Variants in GAN observed in about 807,000 individuals in gnomAD.
GAN encodes gigaxonin.
GAN carries 48 observed loss-of-function variants against 71.3 expected under a neutral mutation model. That is an observed-to-expected ratio of 0.67 (90% CI 0.53 to 0.86). The LOEUF is 0.86. Ranked by LOEUF, GAN falls within the 40% of genes least tolerant of loss-of-function variation. The pLI is 0.00. For synonymous variants in GAN, 386 were observed against 276.8 expected (o/e 1.39, Z -3.92); for missense variants, 928 against 770.1 (o/e 1.21, Z -2.43).
rs1018067168 is a variant in GAN at position 81,349,377 on chromosome 16, G to A, written c.168-2206G>A. Among the ~76,000 whole-genome samples, 9 of 152,112 alleles carry A rather than the reference G, an allele frequency of 5.9e-5. No homozygotes were observed. In the East Asian group the frequency reaches 9.6e-4, roughly 16 times the overall value. On this transcript the variant is annotated intron_variant, in intron 1 of 10. Coordinates refer to ENST00000648994, the MANE Select transcript of GAN (RefSeq NM_022041.4). ...ATATGAAATTTCATTGGCTGGGTGC[G>A]GTGGCTCATGCCTATAATCGCAGCA... is the stretch of plus-strand genomic sequence containing the variant.
In GAN at chr16:81,390,186, G is replaced by C. The variant is rs1289664604; in HGVS notation, c.*12590G>C. 1 of 152,192 alleles carries C rather than the reference G, an allele frequency of 6.6e-6. No individual in the cohort carries two copies. The highest frequency in any genetic ancestry group is 1.5e-5 in the Non-Finnish European group (1 of 68,030). 9.4% of individuals were successfully genotyped at this position (152,192 alleles called of 1,614,324 possible). A position where few individuals can be genotyped will look rare whatever the true frequency, so the allele number is the denominator to read the frequency against. ...GTTTAGAAAGTTCAAAATATTGGAA[G>C]TGCTAGAAGGCTGCAACTTGTAAAA... On this transcript the variant is annotated 3_prime_UTR_variant, in exon 11 of 11. Transcript: ENST00000648994.
intron 9 of GAN, among the ~76,000 whole-genome samples, chr16:81,369,056 A>G (rs780861437): frequency 1.3e-5 from 2 of 152,222 alleles, no homozygotes; most frequent in East Asian, 1.9e-4. Flanking sequence ...CTTGTGTTTT[A>G]CTGCCTCCGT....
chr16:81,354,842 TGAAA>T (rs1910433738), intron 3 of GAN, 87 bp downstream of exon 3: 1 of 777,432 alleles, frequency 1.3e-6, no homozygotes, highest in African/African-American at 1.7e-5. Context: ...TTCTTCATCA[TGAAA>T]GACTTACGAT....
In GAN at chr16:81,383,617, G is replaced by A. The variant is rs1263005415; in HGVS notation, c.*6021G>A. ...TAAAGTCACTACTCAGCTGAAATTT[G>A]GCCTGATTATAAATGTTGATAATAA... On this transcript the variant is annotated 3_prime_UTR_variant, in exon 11 of 11. Coordinates refer to ENST00000648994, the MANE Select transcript of GAN (RefSeq NM_022041.4). The A allele has an allele frequency of 1.3e-5, 2 of 150,888 alleles. No homozygotes were observed. Among genetic ancestry groups the A allele is most frequent in the East Asian group, 3.9e-4 (2 of 5,170 alleles). 9.3% of individuals were successfully genotyped at this position (150,888 alleles called of 1,614,324 possible).
At position 81,315,076 on chromosome 16, in the gene GAN, C is replaced by A. The variant is rs1477703835; in HGVS notation, c.-38C>A. 6.9e-7 allele frequency: 1 copy of A among 1,443,638 alleles called. No individual in the cohort carries two copies. Among genetic ancestry groups the A allele is most frequent in the East Asian group, 3.0e-5 (1 of 32,850 alleles). 89.4% of individuals were successfully genotyped at this position (1,443,638 alleles called of 1,614,324 possible). Reference sequence around the variant, plus strand: ...CTCGAGGGGTCCGGCCGGACGGTGTCGGGAGCCGGACCCGTCGGCAGAGGA... The same window carrying A: ...CTCGAGGGGTCCGGCCGGACGGTGTAGGGAGCCGGACCCGTCGGCAGAGGA... On this transcript the variant is annotated 5_prime_UTR_variant, in exon 1 of 11. Transcript: ENST00000648994.
chr16:81,327,412 G>A (rs549537366), intron 1 of GAN, among the ~76,000 whole-genome samples: 30 of 152,248 alleles, frequency 2.0e-4, no homozygotes, highest in African/African-American at 7.2e-4. Flanking sequence ...CTGGAGGGGT[G>A]TACTGGAGGC....
chr16:81,354,058 T>C lies in GAN; in HGVS notation c.283-347T>C, dbSNP rs951415693. Among the ~76,000 whole-genome samples the C allele has an allele frequency of 3.3e-5, 5 of 152,220 alleles. No homozygotes were observed. The East Asian group carries it at 5.8e-4, about 18-fold the overall frequency. On this transcript the variant is annotated intron_variant, in intron 2 of 10. Transcript: ENST00000648994. Reference sequence around the variant, plus strand: ...TAATCATGTTGACTTTACCATAGAATGTAGAACTTTCCATTTCCCAAGCAT... The same window carrying C: ...TAATCATGTTGACTTTACCATAGAACGTAGAACTTTCCATTTCCCAAGCAT...
In GAN at chr16:81,388,080, C is replaced by G. The variant is rs1427864336; in HGVS notation, c.*10484C>G. On this transcript the variant is annotated 3_prime_UTR_variant, in exon 11 of 11. Transcript: ENST00000648994. ...GGCACTTCGCAGTCGGCGCATCTTT[C>G]TCTGCCAGCTTAGGGATTGCCGTCA... The G allele has an allele frequency of 6.6e-6, 1 of 152,244 alleles. No homozygotes were observed. Among genetic ancestry groups the G allele is most frequent in the Non-Finnish European group, 1.5e-5 (1 of 68,076 alleles). The allele number at this position is 152,244 out of a possible 1,614,324, so 9.4% of individuals were successfully genotyped here.
rs377034780 is a variant in GAN at position 81,356,894 on chromosome 16, G to A, written c.743G>A (p.Cys248Tyr). 1.5e-5 allele frequency: 24 copies of A among 1,613,878 alleles called. No individual in the cohort carries two copies. The highest frequency in any genetic ancestry group is 1.1e-4 in the South Asian group (10 of 91,078). Residue 248 changes from cysteine (C) to tyrosine (Y), a missense_variant, in exon 4 of 11, where the codon TGT becomes TAT. By Grantham distance (194) the Cys-to-Tyr change is radical (BLOSUM62 -2). Coordinates refer to ENST00000648994, the MANE Select transcript of GAN (RefSeq NM_022041.4). ...EPLVREIVKE[C>Y]SNIPLSQPQQ... ...TTAGTACGAGAAATTGTCAAAGAGTGTAGCAATATACCGCTCAGCCAGCCG... is the reference window on the plus strand; with the variant it reads ...TTAGTACGAGAAATTGTCAAAGAGTATAGCAATATACCGCTCAGCCAGCCG...
intron 1 of GAN, among the ~76,000 whole-genome samples, chr16:81,323,816 C>A (rs983159572): frequency 6.6e-6 from 1 of 152,160 alleles, no homozygotes; most frequent in Non-Finnish European, 1.5e-5. Flanking sequence ...CTCCAGGACT[C>A]CATCCTCTTG....
At chr16:81,348,613 C>G (rs915821764) in intron 1 of GAN, among the ~76,000 whole-genome samples, 3 of 152,216 alleles carry the variant, frequency 2.0e-5, no homozygotes, top group Non-Finnish European at 4.4e-5. Context: ...CAGCCATGAG[C>G]CTACAGGCCG....
At chr16:81,365,562 C>T in intron 9 of GAN, 84 bp downstream of exon 9, 1 of 1,339,366 alleles carries the variant, frequency 7.5e-7, no homozygotes, top group Non-Finnish European at 1.1e-6. Context: ...GTTTTGTTTT[C>T]AGTCACTTTA....
At chr16:81,354,788 C>G (rs1319956190) in intron 3 of GAN, 33 bp downstream of exon 3, 2 of 1,162,344 alleles carry the variant, frequency 1.7e-6, no homozygotes, top group Admixed American at 1.7e-5. Context: ...TCAAATTTGC[C>G]TTTTTATTTC....
At chr16:81,371,507 C>A (rs969952850) in intron 9 of GAN, among the ~76,000 whole-genome samples, 2 of 152,156 alleles carry the variant, frequency 1.3e-5, no homozygotes, top group Non-Finnish European at 2.9e-5. Flanking sequence ...CAAGCTGTGC[C>A]ACCTGCCATG....
At chr16:81,333,622 C>A (rs911036360) in intron 1 of GAN, among the ~76,000 whole-genome samples, 3 of 152,172 alleles carry the variant, frequency 2.0e-5, no homozygotes, top group Non-Finnish European at 4.4e-5. Context: ...TGATTCATAG[C>A]AATTCATTTT....
intron 5 of GAN, 111 bp downstream of exon 5, chr16:81,358,042 A>C (rs1910550397): frequency 1.0e-6 from 1 of 959,830 alleles, no homozygotes; most frequent in East Asian, 2.6e-5. Context: ...TTATCTCTAC[A>C]TGACATTTTT....
At chr16:81,351,088 C>G (rs1910285213) in intron 1 of GAN, among the ~76,000 whole-genome samples, 1 of 152,022 alleles carries the variant, frequency 6.6e-6, no homozygotes, top group Non-Finnish European at 1.5e-5. Context: ...AGTAATAAAG[C>G]AAGGAAAAAG....
chr16:81,370,595 AGT>A (rs1387765265), intron 9 of GAN, among the ~76,000 whole-genome samples: 1 of 152,224 alleles, frequency 6.6e-6, no homozygotes, highest in Non-Finnish European at 1.5e-5. Context: ...TCCCATTGGA[AGT>A]GTGTGTGCTG....
At chr16:81,376,509 G>A (rs968049326) in intron 9 of GAN, among the ~76,000 whole-genome samples, 2 of 128,604 alleles carry the variant, frequency 1.6e-5, no homozygotes, top group African/African-American at 6.4e-5. Flanking sequence ...GTGTGTGTGT[G>A]TATGTGTGTG....
Sources: allele counts gnomAD v4.1 joint callset (sites outside exome capture counted in the v4.1 genomes callset), GRCh38; gene constraint gnomAD v4.1.1; transcripts MANE v1.5; gene names NCBI Gene and HGNC (gene_info 2026-07-23, HGNC 2026-07-21).